COL19A1: variants seen among roughly 807,000 people sequenced by gnomAD.
COL19A1 encodes the protein collagen type XIX alpha 1 chain.
COL19A1 carries 159 observed loss-of-function variants against 190.2 expected under a neutral mutation model. The observed-to-expected ratio is 0.84, with a 90% CI of 0.73 to 0.95. The LOEUF (loss-of-function observed/expected upper bound fraction) is 0.95, where lower values mean the gene tolerates loss of function less well. COL19A1 is among the 40% of genes least tolerant of loss of function. COL19A1 has a pLI of 0.00. For missense variants in COL19A1, 1,418 were observed against 1,431.9 expected, an observed-to-expected ratio of 0.99 and a Z score of 0.16; for synonymous variants, 509 against 458.9, an observed-to-expected ratio of 1.11 and a Z score of -1.39.
chr6:69,969,179 A>G (rs149929716), intron 11 of COL19A1, among the ~76,000 whole-genome samples: 170 of 152,356 alleles, frequency 1.1e-3, no homozygotes, highest in African/African-American at 3.9e-3. Context: ...AAAGTAATAT[A>G]AAATCTTAAT....
intron 16 of COL19A1, among the ~76,000 whole-genome samples, chr6:70,113,842 CTTTTTTTTTTT>C (rs34876942): frequency 1.6e-5 from 1 of 64,136 alleles, no homozygotes; most frequent in African/African-American, 6.9e-5. Flanking sequence ...CCAAGTCTTT[CTTTTTTTTTTT>C]TTTTTTTTTT....
At chr6:69,877,731 G>T (rs112503710) in intron 1 of COL19A1, among the ~76,000 whole-genome samples, 1 of 151,972 alleles carries the variant, frequency 6.6e-6, no homozygotes, top group Non-Finnish European at 1.5e-5. Flanking sequence ...AAAAAAATGG[G>T]CAAAGGAGGC....
rs540075529 is a variant in COL19A1 at position 69,972,828 on chromosome 6, A to G, written c.1026+9958A>G. On this transcript the variant is annotated intron_variant, in intron 11 of 50. Transcript: ENST00000620364. ...TTAGCTCATAATTCTATAAAATAAA[A>G]TACAGTTCTTTTAATACCAGATATT... is the stretch of plus-strand genomic sequence containing the variant. Among the ~76,000 whole-genome samples the G allele has an allele frequency of 3.3e-5, 5 of 152,324 alleles. No individual in the cohort carries two copies. The South Asian group carries it at 1.0e-3, about 32-fold the overall frequency.
intron 2 of COL19A1, among the ~76,000 whole-genome samples, chr6:69,887,784 A>G (rs898735522): frequency 1.3e-5 from 2 of 152,106 alleles, no homozygotes; most frequent in African/African-American, 2.4e-5. Context: ...AAAGGGGGAA[A>G]CAGGAACTCT....
intron 17 of COL19A1, among the ~76,000 whole-genome samples, chr6:70,128,142 A>G (rs891891904): frequency 6.6e-6 from 1 of 152,224 alleles, no homozygotes; most frequent in Non-Finnish European, 1.5e-5. Context: ...CTTGTTGACT[A>G]TGAATTGCTT....
chr6:70,026,981 C>T (rs557027473), intron 12 of COL19A1, among the ~76,000 whole-genome samples: 6 of 152,178 alleles, frequency 3.9e-5, no homozygotes, highest in Admixed American at 6.5e-5. Context: ...AGTAATTCAG[C>T]GTTTATGACA....
chr6:70,044,275 C>T (rs1779788955), intron 14 of COL19A1, among the ~76,000 whole-genome samples: 1 of 152,178 alleles, frequency 6.6e-6, no homozygotes, highest in African/African-American at 2.4e-5. Context: ...TTAAGTCTTT[C>T]TTCATATCAG....
chr6:69,881,300 A>G (rs1171609323), intron 2 of COL19A1, among the ~76,000 whole-genome samples: 1 of 151,764 alleles, frequency 6.6e-6, no homozygotes, highest in Non-Finnish European at 1.5e-5. Flanking sequence ...CTTGCATTTT[A>G]TGCACCATTT....
intron 49 of COL19A1, among the ~76,000 whole-genome samples, chr6:70,204,442 C>T (rs1017609647): frequency 5.9e-5 from 9 of 152,134 alleles, no homozygotes; most frequent in Non-Finnish European, 1.2e-4. Flanking sequence ...AATTCAGTCG[C>T]TTTATCTATT....
chr6:70,146,174 A>C (rs1365128940), intron 25 of COL19A1, among the ~76,000 whole-genome samples: 1 of 152,144 alleles, frequency 6.6e-6, no homozygotes, highest in African/African-American at 2.4e-5. Flanking sequence ...AGTCAGGTAC[A>C]CTGGTTTTAA....
In COL19A1 at chr6:69,893,562, A is replaced by G. The variant is rs113544676; in HGVS notation, c.92-5386A>G. On this transcript the variant is annotated intron_variant, in intron 2 of 50. Transcript: ENST00000620364. ...TCAGATGGGTTTTATTTAACCCTGT[A>G]TATTGTGACTTACTTTCCAATCTGA... Among the ~76,000 whole-genome samples, 1,266 of 152,270 alleles carry G rather than the reference A, an allele frequency of 8.3e-3. 20 individuals carry two copies. The highest frequency in any genetic ancestry group is 0.026 in the African/African-American group (1,092 of 41,554).
At chr6:69,944,100 G>C (rs1394023888) in intron 9 of COL19A1, among the ~76,000 whole-genome samples, 1 of 152,056 alleles carries the variant, frequency 6.6e-6, no homozygotes, top group Non-Finnish European at 1.5e-5. Context: ...TATGCCTGAA[G>C]TGTCCTTGTC....
intron 11 of COL19A1, among the ~76,000 whole-genome samples, chr6:70,001,108 T>G (rs1407295352): frequency 6.6e-6 from 1 of 152,128 alleles, no homozygotes; most frequent in African/African-American, 2.4e-5. Flanking sequence ...TTTCCCAGCA[T>G]CATTTATTGA....
chr6:69,953,020 C>T (rs996942907), intron 9 of COL19A1, among the ~76,000 whole-genome samples: 9 of 151,930 alleles, frequency 5.9e-5, no homozygotes, highest in African/African-American at 2.2e-4. Flanking sequence ...TTTCTAGCCT[C>T]ACCTAATTTT....
chr6:70,082,712 A>G lies in COL19A1; in HGVS notation c.1224+14236A>G, dbSNP rs114803287. On this transcript the variant is annotated intron_variant, in intron 15 of 50. Coordinates refer to ENST00000620364, the MANE Select transcript of COL19A1 (RefSeq NM_001858.6). ...AGGTGTGAGCCACCACGCCCAGCCA[A>G]TGAAGCACTTAGATAAAAGTTATCC... 1.8e-3 allele frequency among the ~76,000 whole-genome samples: 279 copies of G among 152,276 alleles called. 4 individuals carry two copies. Among genetic ancestry groups the G allele is most frequent in the African/African-American group, 6.5e-3 (268 of 41,544 alleles).
chr6:69,990,448 G>C (rs7756062), intron 11 of COL19A1, among the ~76,000 whole-genome samples: 32,143 of 151,908 alleles, frequency 0.21, 5,588 homozygotes, highest in African/African-American at 0.47. Context: ...ACAATTTGCT[G>C]TAGTCAGGAT....
chr6:70,155,169 T>TA (rs1373068741), intron 31 of COL19A1, among the ~76,000 whole-genome samples: 2 of 152,114 alleles, frequency 1.3e-5, no homozygotes, highest in Non-Finnish European at 2.9e-5. Context: ...AGGTCAAAAA[T>TA]ATTGAATTTG....
chr6:69,929,371 A>G, intron 5 of COL19A1, 54 bp from the exon 6 acceptor site: 1 of 1,539,552 alleles, frequency 6.5e-7, no homozygotes, highest in South Asian at 1.2e-5. Context: ...GTGTGCTTTA[A>G]TAATTTTGAA....
intron 2 of COL19A1, among the ~76,000 whole-genome samples, chr6:69,887,343 T>C (rs1042251313): frequency 6.6e-6 from 1 of 152,344 alleles, no homozygotes; most frequent in East Asian, 1.9e-4. Flanking sequence ...TGGAGTTTTT[T>C]TGAGTTTTTC....
Sources: gnomAD v4.1 joint callset for allele counts (sites outside exome capture counted in the v4.1 genomes callset) on GRCh38, gnomAD v4.1.1 for gene constraint, MANE v1.5 for transcripts, NCBI Gene and HGNC (gene_info 2026-07-23, HGNC 2026-07-21) for gene names.